Variants in KLHL1 observed in about 807,000 individuals in gnomAD.
KLHL1 encodes the protein kelch-like protein 1.
Under a neutral mutation model 77.7 loss-of-function variants are expected in KLHL1, and 47 were observed. The ratio of observed to expected loss-of-function variants is 0.60; its 90% CI spans 0.48 to 0.77. KLHL1 has a LOEUF of 0.77. Among genes scored for constraint, KLHL1 ranks in the 30% least tolerant of loss-of-function variants. KLHL1 has a pLI of 0.00. For synonymous variants in KLHL1, 360 were observed against 325.2 expected, an observed-to-expected ratio of 1.11 and a Z score of -1.15; for missense variants, 925 against 910.8, an observed-to-expected ratio of 1.02 and a Z score of -0.20.
intron 1 of KLHL1, among the ~76,000 whole-genome samples, chr13:70,045,018 C>T (rs142653645): frequency 2.0e-5 from 3 of 152,214 alleles, no homozygotes; most frequent in East Asian, 1.9e-4. Context: ...CTAACTCTCA[C>T]GGGTGCTATG....
At chr13:69,791,352 A>G (rs1876862793) in intron 7 of KLHL1, among the ~76,000 whole-genome samples, 1 of 152,126 alleles carries the variant, frequency 6.6e-6, no homozygotes, top group African/African-American at 2.4e-5. Context: ...TTACGTGGCA[A>G]TACTCACAAA....
At chr13:70,026,271 A>T (rs755933068) in intron 1 of KLHL1, among the ~76,000 whole-genome samples, 141 of 152,208 alleles carry the variant, frequency 9.3e-4, no homozygotes, top group Non-Finnish European at 1.5e-3. Context: ...TGATTTTTTT[A>T]AAAAAGGCCC....
At chr13:69,815,964 T>A (rs2138070244) in intron 6 of KLHL1, among the ~76,000 whole-genome samples, 1 of 152,138 alleles carries the variant, frequency 6.6e-6, no homozygotes, top group East Asian at 1.9e-4. Flanking sequence ...GAAAAGGCTA[T>A]ATTTTGTTGG....
intron 4 of KLHL1, among the ~76,000 whole-genome samples, chr13:69,912,202 T>C (rs1016170837): frequency 2.0e-5 from 3 of 152,166 alleles, no homozygotes; most frequent in Non-Finnish European, 4.4e-5. Context: ...AAAGCTTCTG[T>C]TTGCCATGTC....
intron 6 of KLHL1, among the ~76,000 whole-genome samples, chr13:69,828,812 A>G (rs116754867): frequency 0.028 from 4,133 of 149,864 alleles, 496 homozygotes; most frequent in African/African-American, 0.097. Flanking sequence ...AACCTGTATG[A>G]CGCAGCAGAA....
intron 5 of KLHL1, among the ~76,000 whole-genome samples, chr13:69,849,628 C>T (rs867478195): frequency 3.3e-5 from 5 of 151,298 alleles, no homozygotes; most frequent in African/African-American, 1.2e-4. Flanking sequence ...TCACAGTCAA[C>T]ATTTAGTTTT....
intron 1 of KLHL1, among the ~76,000 whole-genome samples, chr13:70,055,189 C>G (rs538863189): frequency 7.9e-5 from 12 of 152,084 alleles, no homozygotes; most frequent in African/African-American, 2.6e-4. Flanking sequence ...AGGGAGGAAA[C>G]ATAAAAAGGA....
chr13:69,973,466 T>C (rs770042050), intron 2 of KLHL1, among the ~76,000 whole-genome samples: 24 of 151,612 alleles, frequency 1.6e-4, no homozygotes, highest in Non-Finnish European at 2.8e-4. Flanking sequence ...TTTATTTTTA[T>C]ATTATTTGAT....
intron 1 of KLHL1, among the ~76,000 whole-genome samples, chr13:70,032,098 A>G (rs2137367068): frequency 6.6e-6 from 1 of 152,296 alleles, no homozygotes; most frequent in South Asian, 2.1e-4. Flanking sequence ...TGGATACTTA[A>G]TGGATATCTT....
chr13:69,969,934 A>G lies in KLHL1; in HGVS notation c.680+5686T>C, dbSNP rs879592374. On this transcript the variant is annotated intron_variant, in intron 2 of 10. Transcript: ENST00000377844. ...CAAATTTATTTCCTTCAAATCGATT[A>G]AACTTTTTAAGTTCCACTTCAATTT... 6.1e-3 allele frequency among the ~76,000 whole-genome samples: 10 copies of G among 1,644 alleles called. No individual in the cohort carries two copies. The Non-Finnish European group carries it at 0.1, about 17-fold the overall frequency. The allele number at this position is 1,644 out of a possible 152,430, so 1.1% of individuals were successfully genotyped here. A position where few individuals can be genotyped will look rare whatever the true frequency, so the allele number is the denominator to read the frequency against.
chr13:70,105,212 T>C (rs1056204096), intron 1 of KLHL1, among the ~76,000 whole-genome samples: 7 of 152,016 alleles, frequency 4.6e-5, no homozygotes, highest in African/African-American at 1.7e-4. Context: ...TCACAACTCT[T>C]TGTGAATAAA....
rs545441667 is a variant in KLHL1, at chr13:69,733,237, A to G, written c.1802+7157T>C. ...ACAAACACATATGAAAGATAAAAAA[A>G]AAATCACTGAACTTACATATCTCCC... On this transcript the variant is annotated intron_variant, in intron 8 of 10. Transcript: ENST00000377844. 2.0e-5 allele frequency among the ~76,000 whole-genome samples: 3 copies of G among 152,258 alleles called. No homozygotes were observed. In the East Asian group the frequency reaches 5.8e-4, roughly 29 times the overall value.
rs530449459 is a variant in KLHL1 at position 70,054,178 on chromosome 13, T to C, written c.497+53025A>G. The stretch of plus-strand genomic sequence containing the variant: ...TGTGCTAGTCACATAGATTGTCTCA[T>C]TTTCATTTAGTGATAATGCTAAGAG... On this transcript the variant is annotated intron_variant, in intron 1 of 10. Coordinates refer to ENST00000377844, the MANE Select transcript of KLHL1 (RefSeq NM_020866.3). Among the ~76,000 whole-genome samples, 9 of 152,290 alleles carry C rather than the reference T, an allele frequency of 5.9e-5. No individual in the cohort carries two copies. In the South Asian group the frequency reaches 1.9e-3, roughly 32 times the overall value.
intron 5 of KLHL1, among the ~76,000 whole-genome samples, chr13:69,878,805 T>C (rs890829436): frequency 2.0e-5 from 3 of 152,072 alleles, no homozygotes; most frequent in Admixed American, 1.3e-4. Context: ...TGCACACATA[T>C]GTTTATTGTG....
intron 7 of KLHL1, among the ~76,000 whole-genome samples, chr13:69,792,841 G>A (rs907601418): frequency 7.2e-5 from 11 of 152,104 alleles, no homozygotes; most frequent in Non-Finnish European, 1.6e-4. Flanking sequence ...CAAATCCACA[G>A]AGATAAAAAG....
At chr13:69,783,138 AC>A (rs1876319573) in intron 7 of KLHL1, among the ~76,000 whole-genome samples, 1 of 152,178 alleles carries the variant, frequency 6.6e-6, no homozygotes. Context: ...AGGAAAACTA[AC>A]AAACAGAAAG....
At chr13:69,908,322 G>A (rs1593938664) in intron 4 of KLHL1, among the ~76,000 whole-genome samples, 1 of 151,572 alleles carries the variant, frequency 6.6e-6, no homozygotes, top group South Asian at 2.1e-4. Flanking sequence ...ATGGGAAGAT[G>A]CAGATTAAAG....
At chr13:69,968,098 A>C (rs1884271394) in intron 2 of KLHL1, among the ~76,000 whole-genome samples, 1 of 151,800 alleles carries the variant, frequency 6.6e-6, no homozygotes, top group Non-Finnish European at 1.5e-5. Flanking sequence ...TATTTTAAGA[A>C]TGGCCACAGA....
At position 69,815,365 on chromosome 13, in the gene KLHL1, A is replaced by G. The variant is rs917979093; in HGVS notation, c.1415-18403T>C. 2.0e-5 allele frequency among the ~76,000 whole-genome samples: 3 copies of G among 152,242 alleles called. No homozygotes were observed. In the South Asian group the frequency reaches 6.2e-4, roughly 32 times the overall value. ...TGGTACATATACACCATGGACTACT[A>G]TGCAGCCATAATAAAGAATGAAATC... On this transcript the variant is annotated intron_variant, in intron 6 of 10. Coordinates refer to ENST00000377844, the MANE Select transcript of KLHL1 (RefSeq NM_020866.3).
Sources: allele counts gnomAD v4.1 joint callset (sites outside exome capture counted in the v4.1 genomes callset), GRCh38; gene constraint gnomAD v4.1.1; transcripts MANE v1.5; gene names NCBI Gene and HGNC (gene_info 2026-07-23, HGNC 2026-07-21).